Variants in WWC1 observed in about 807,000 individuals in gnomAD.
WWC1 encodes protein KIBRA.
In WWC1, 55 loss-of-function variants were observed where a neutral mutation model predicts 138.4. The observed-to-expected ratio is 0.40, with a 90% CI of 0.32 to 0.50. WWC1 has a LOEUF of 0.50. WWC1 is among the 20% of genes least tolerant of loss of function. WWC1 has a pLI of 0.72. For synonymous variants in WWC1, 524 were observed against 564.9 expected, an observed-to-expected ratio of 0.93 and a Z score of 1.03; for missense variants, 1,226 against 1,420.4, an observed-to-expected ratio of 0.86 and a Z score of 2.20.
chr5:168,334,225 AAACAACAAC>A (rs143593638), intron 1 of WWC1, among the ~76,000 whole-genome samples: 1 of 151,112 alleles, frequency 6.6e-6, no homozygotes, highest in Admixed American at 6.6e-5. Flanking sequence ...TCCTGTCTCA[AAACAACAAC>A]AACAACAACA....
At chr5:168,374,894 C>T (rs971623260) in intron 2 of WWC1, among the ~76,000 whole-genome samples, 10 of 151,982 alleles carry the variant, frequency 6.6e-5, no homozygotes, top group East Asian at 1.9e-4. Flanking sequence ...CAGGATTTCC[C>T]GATAGATTGC....
At chr5:168,296,902 G>A (rs1769586282) in intron 1 of WWC1, among the ~76,000 whole-genome samples, 1 of 152,162 alleles carries the variant, frequency 6.6e-6, no homozygotes, top group South Asian at 2.1e-4. Context: ...TTTGGCCTTG[G>A]GAAATGGAGC....
intron 1 of WWC1, among the ~76,000 whole-genome samples, chr5:168,329,067 G>A (rs902479174): frequency 6.6e-6 from 1 of 152,192 alleles, no homozygotes; most frequent in Non-Finnish European, 1.5e-5. Flanking sequence ...TGATAAGTTG[G>A]TCTTGCCCCA....
chr5:168,379,073 G>A (rs1777432385), intron 2 of WWC1, among the ~76,000 whole-genome samples: 1 of 152,116 alleles, frequency 6.6e-6, no homozygotes. Context: ...AGAAGAAAGT[G>A]GAGAAGTGGT....
intron 1 of WWC1, among the ~76,000 whole-genome samples, chr5:168,341,441 G>A (rs915406637): frequency 2.0e-5 from 3 of 152,094 alleles, no homozygotes; most frequent in Non-Finnish European, 2.9e-5. Context: ...TGGATAATGG[G>A]TCCTAGGGAC....
intron 1 of WWC1, among the ~76,000 whole-genome samples, chr5:168,338,488 T>C (rs1343358565): frequency 2.7e-5 from 4 of 149,602 alleles, no homozygotes; most frequent in Non-Finnish European, 5.9e-5. Flanking sequence ...CTCAGCTCAC[T>C]GCAACCTCCG....
intron 1 of WWC1, among the ~76,000 whole-genome samples, chr5:168,303,590 C>G (rs1581861891): frequency 6.6e-6 from 1 of 152,106 alleles, no homozygotes; most frequent in East Asian, 1.9e-4. Context: ...GCCTGGGTGA[C>G]AGAGTGAGAT....
chr5:168,464,844 T>TGCTGAAGGA lies in WWC1; in HGVS notation c.3036_3044dup (p.Leu1015_Glu1017dup). ...AGCCAATTGACCCAGGAGATCTCGG[T>TGCTGAAGGA]GCTGAAGGAGCTCAAGGAGCAGCTG... On this transcript the variant is annotated inframe_insertion, in exon 21 of 23. Coordinates refer to ENST00000265293, the MANE Select transcript of WWC1 (RefSeq NM_015238.3). 1 of 1,614,176 alleles carries TGCTGAAGGA rather than the reference T, an allele frequency of 6.2e-7. No individual in the cohort carries two copies. Among genetic ancestry groups the TGCTGAAGGA allele is most frequent in the Non-Finnish European group, 8.5e-7 (1 of 1,180,030 alleles).
At chr5:168,355,408 C>A (rs997737591) in intron 1 of WWC1, among the ~76,000 whole-genome samples, 1 of 147,714 alleles carries the variant, frequency 6.8e-6, no homozygotes, top group African/African-American at 2.5e-5. Flanking sequence ...GCAGGAGAAT[C>A]TCTTGAACCC....
intron 15 of WWC1, among the ~76,000 whole-genome samples, chr5:168,431,924 A>T (rs1205450578): frequency 2.0e-5 from 3 of 151,984 alleles, no homozygotes; most frequent in Non-Finnish European, 2.9e-5. Flanking sequence ...AAAATTAGCC[A>T]GGCATAGTGG....
intron 2 of WWC1, among the ~76,000 whole-genome samples, chr5:168,374,251 A>G (rs995910676): frequency 3.9e-5 from 6 of 152,186 alleles, no homozygotes; most frequent in African/African-American, 1.4e-4. Context: ...CAAAAAATAA[A>G]TAAGTAGATT....
intron 1 of WWC1, among the ~76,000 whole-genome samples, chr5:168,354,812 C>T (rs907784828): frequency 1.3e-5 from 2 of 152,072 alleles, no homozygotes; most frequent in Non-Finnish European, 1.5e-5. Context: ...CCAGAGTGAA[C>T]AGTTTTGTGG....
intron 1 of WWC1, among the ~76,000 whole-genome samples, chr5:168,305,604 C>T (rs1422423): frequency 0.52 from 79,704 of 151,894 alleles, 21,276 homozygotes; most frequent in Middle Eastern, 0.67. Flanking sequence ...TAGCAGCAAA[C>T]CACTTAACCT....
At chr5:168,419,850 G>A (rs1204529688) in intron 9 of WWC1, among the ~76,000 whole-genome samples, 1 of 152,190 alleles carries the variant, frequency 6.6e-6, no homozygotes. Flanking sequence ...TTTCAGGAGA[G>A]GTCAGGGCTG....
intron 11 of WWC1, 59 bp from the exon 12 acceptor site, chr5:168,427,973 TG>T: frequency 6.9e-7 from 1 of 1,446,068 alleles, no homozygotes; most frequent in Non-Finnish European, 9.7e-7. Flanking sequence ...AAAACAAAAT[TG>T]GGAGTCGCAA....
chr5:168,324,514 G>A (rs1398139752), intron 1 of WWC1, among the ~76,000 whole-genome samples: 6 of 152,230 alleles, frequency 3.9e-5, no homozygotes, highest in East Asian at 3.9e-4. Flanking sequence ...AATTAAAAGA[G>A]CACCAGAAAT....
intron 1 of WWC1, among the ~76,000 whole-genome samples, chr5:168,331,026 G>A (rs1215188982): frequency 1.3e-5 from 2 of 152,076 alleles, no homozygotes; most frequent in South Asian, 2.1e-4. Context: ...TTCTCGAGGG[G>A]GTCATGCTTC....
At chr5:168,420,582 C>A (rs1781015048) in intron 9 of WWC1, among the ~76,000 whole-genome samples, 1 of 151,988 alleles carries the variant, frequency 6.6e-6, no homozygotes, top group Admixed American at 6.6e-5. Context: ...CCCGCCCCGA[C>A]CTTTAGAGCA....
At chr5:168,420,889 G>T (rs934469734) in intron 9 of WWC1, among the ~76,000 whole-genome samples, 3 of 152,070 alleles carry the variant, frequency 2.0e-5, no homozygotes, top group African/African-American at 4.8e-5. Flanking sequence ...CCACAGTCAT[G>T]GTGACCTCAA....
Sources: gnomAD v4.1 joint callset for allele counts (sites outside exome capture counted in the v4.1 genomes callset) on GRCh38, gnomAD v4.1.1 for gene constraint, MANE v1.5 for transcripts, NCBI Gene and HGNC (gene_info 2026-07-23, HGNC 2026-07-21) for gene names.